Variants in KMT2C observed in about 807,000 individuals in gnomAD.
KMT2C encodes the protein lysine methyltransferase 2C, also known as histone-lysine N-methyltransferase 2C.
In KMT2C, 88 loss-of-function variants were observed where a neutral mutation model predicts 507.9. That is an observed-to-expected ratio of 0.17 (90% CI 0.15 to 0.21). KMT2C has a LOEUF of 0.21. KMT2C is among the 10% of genes least tolerant of loss of function. The probability of loss-of-function intolerance (pLI) is 1.00; values close to 1 mark genes in which losing one functional copy is unlikely to be tolerated. For missense variants in KMT2C, 4,954 were observed against 5,957.8 expected (o/e 0.83, Z 5.55); for synonymous variants, 2,049 against 2,080.8 (o/e 0.98, Z 0.42).
rs1245890173 is a variant in KMT2C at position 152,201,299 on chromosome 7, C to CAG, written c.4092+1634_4092+1635insCT. 8.9e-4 allele frequency among the ~76,000 whole-genome samples: 122 copies of CAG among 137,616 alleles called. 3 individuals are homozygous for CAG. The highest frequency in any genetic ancestry group is 4.1e-4 in the East Asian group (2 of 4,912). 90.3% of individuals were successfully genotyped at this position (137,616 alleles called of 152,430 possible). Reference sequence around the variant, plus strand: ...TGTCACACATACAGACACAGACACACACACACACACACACACACACACACA... The same window carrying CAG: ...TGTCACACATACAGACACAGACACACAGACACACACACACACACACACACACA... On this transcript the variant is annotated intron_variant, in intron 26 of 58. Coordinates refer to ENST00000262189, the MANE Select transcript of KMT2C (RefSeq NM_170606.3).
rs766518165 is a variant in KMT2C, at chr7:152,215,688, T to TATACAC, written c.3712+4834_3712+4835insGTGTAT. Among the ~76,000 whole-genome samples the TATACAC allele has an allele frequency of 5.2e-5, 7 of 134,496 alleles. No individual in the cohort carries two copies. The East Asian group carries it at 7.3e-4, about 14-fold the overall frequency. 88.2% of individuals were successfully genotyped at this position (134,496 alleles called of 152,430 possible). ...ACAAAAGGAACAAAATATATATATA[T>TATACAC]ACACACACACATACACACACAAAAT... On this transcript the variant is annotated intron_variant, in intron 23 of 58. Coordinates refer to ENST00000262189, the MANE Select transcript of KMT2C (RefSeq NM_170606.3).
At chr7:152,151,057 TA>T in intron 50 of KMT2C, 50 bp from the exon 51 acceptor site, 1 of 1,105,016 alleles carries the variant, frequency 9.0e-7, no homozygotes, top group Non-Finnish European at 1.4e-6. Context: ...CAAAATTTAA[TA>T]AAAACAGGAT....
At chr7:152,222,768 T>C in intron 20 of KMT2C, 86 bp from the exon 21 acceptor site, 1 of 754,416 alleles carries the variant, frequency 1.3e-6, no homozygotes, top group Non-Finnish European at 2.3e-6. Context: ...CACTGAGTCT[T>C]CAAACTTAAA....
At chr7:152,202,573 A>G (rs57920991) in intron 26 of KMT2C, among the ~76,000 whole-genome samples, 1,825 of 152,318 alleles carry the variant, frequency 0.012, 37 homozygotes, top group African/African-American at 0.042. Flanking sequence ...GAATATAATT[A>G]ATGTAACTTG....
chr7:152,163,725 G>A lies in KMT2C; in HGVS notation c.9852C>T (p.Val3284=). 1 of 1,614,210 alleles carries A rather than the reference G, an allele frequency of 6.2e-7. No individual in the cohort carries two copies. Among genetic ancestry groups the A allele is most frequent in the Non-Finnish European group, 8.5e-7 (1 of 1,180,044 alleles). Residue 3284 remains valine, a synonymous_variant, in exon 43 of 59, where the codon GTC becomes GTT. Transcript: ENST00000262189. ...AMAPPTMMPS[V]QPQPPLIPGA... is the part of the protein sequence containing the mutation. ...CTGGAATTAGGGGTGGCTGGGGCTG[G>A]ACACTGGGCATCATGGTAGGTGGGG...
intron 21 of KMT2C, among the ~76,000 whole-genome samples, chr7:152,222,348 T>C (rs534432648): frequency 6.6e-6 from 1 of 152,228 alleles, no homozygotes; most frequent in African/African-American, 2.4e-5. Context: ...AAAATTATAG[T>C]TTACATCTAA....
rs1433654285 is a variant in KMT2C, at chr7:152,334,408, T to C, written c.251-3669A>G. 3.3e-5 allele frequency among the ~76,000 whole-genome samples: 5 copies of C among 152,148 alleles called. No homozygotes were observed. In the South Asian group the frequency reaches 8.3e-4, roughly 25 times the overall value. On this transcript the variant is annotated intron_variant, in intron 2 of 58. Coordinates refer to ENST00000262189, the MANE Select transcript of KMT2C (RefSeq NM_170606.3). Reference sequence around the variant, plus strand: ...CGGAGGTTGCGGTGAGCCGAGATCATGCCATTGCACTCAAGCCTGGGCAAC... The same window carrying C: ...CGGAGGTTGCGGTGAGCCGAGATCACGCCATTGCACTCAAGCCTGGGCAAC...
rs1187363250 is a variant in KMT2C at position 152,238,837 on chromosome 7, G to C, written c.2533-11C>G. The C allele has an allele frequency of 1.3e-6, 2 of 1,585,286 alleles. No homozygotes were observed. The highest frequency in any genetic ancestry group is 2.7e-5 in the African/African-American group (2 of 73,232). On this transcript the variant is annotated splice_polypyrimidine_tract_variant and intron_variant, in intron 14 of 58. Coordinates refer to ENST00000262189, the MANE Select transcript of KMT2C (RefSeq NM_170606.3). The stretch of plus-strand genomic sequence containing the variant: ...GGTACTCCAAGCCCCCTAGGATATG[G>C]CAGTTGAGAAAATAGATGTGTAAAA...
At chr7:152,336,108 G>C (rs13242929) in intron 2 of KMT2C, among the ~76,000 whole-genome samples, 2 of 151,810 alleles carry the variant, frequency 1.3e-5, no homozygotes, top group Non-Finnish European at 2.9e-5. Flanking sequence ...TTTTACTTTT[G>C]GTTTAGATTT....
chr7:152,314,929 C>T (rs1045857903), intron 4 of KMT2C, among the ~76,000 whole-genome samples: 4 of 152,006 alleles, frequency 2.6e-5, no homozygotes, highest in Non-Finnish European at 4.4e-5. Flanking sequence ...TTAATATAAA[C>T]TTTTTAAAAA....
intron 1 of KMT2C, among the ~76,000 whole-genome samples, chr7:152,376,962 A>C (rs1222738924): frequency 6.6e-6 from 1 of 152,174 alleles, no homozygotes; most frequent in Admixed American, 6.5e-5. Flanking sequence ...AGGTAGGAGA[A>C]TCGCTTGAGC....
At chr7:152,316,418 G>A in intron 3 of KMT2C, among the ~76,000 whole-genome samples, 1 of 151,932 alleles carries the variant, frequency 6.6e-6, no homozygotes, top group African/African-American at 2.4e-5. Flanking sequence ...TAAAAAAGGA[G>A]AAAACATTAA....
At chr7:152,239,896 A>G (rs2095352826) in intron 14 of KMT2C, among the ~76,000 whole-genome samples, 2 of 152,250 alleles carry the variant, frequency 1.3e-5, no homozygotes, top group Non-Finnish European at 2.9e-5. Flanking sequence ...ACATAAAAAT[A>G]CCACCAGGAA....
rs766757560 is a variant in KMT2C, at chr7:152,156,238, C to A, written c.11779G>T (p.Ala3927Ser). The change falls in exon 45 of 59, where the codon GCT (alanine) becomes TCT (serine). Residue 3927 changes from alanine (A) to serine (S), a missense_variant. Ala to Ser is a moderately conservative substitution (Grantham distance 99). Coordinates refer to ENST00000262189, the MANE Select transcript of KMT2C (RefSeq NM_170606.3). ...CTCACTAACACTCCGGCTTTTCCAG[C>A]AAGTTCTTCAGTTGTTGCAAAACCA... Reference protein sequence around the residue: ...ANGFATTEELAGKAGVLVSHE... With the variant: ...ANGFATTEELSGKAGVLVSHE... The A allele has an allele frequency of 2.5e-6, 4 of 1,614,132 alleles. No homozygotes were observed. Among genetic ancestry groups the A allele is most frequent in the Non-Finnish European group, 2.5e-6 (3 of 1,180,026 alleles).
chr7:152,255,120 T>TATATATATATATATATATATATATAC (rs1368173795), intron 9 of KMT2C, among the ~76,000 whole-genome samples: 1 of 103,024 alleles, frequency 9.7e-6, no homozygotes, highest in Admixed American at 9.5e-5. Flanking sequence ...TATATATATA[T>TATATATATATATATATATATATATAC]ATATATATAT....
intron 23 of KMT2C, among the ~76,000 whole-genome samples, chr7:152,214,555 C>T (rs1229562476): frequency 6.6e-6 from 1 of 152,094 alleles, no homozygotes; most frequent in Non-Finnish European, 1.5e-5. Context: ...TTTTTTCCCC[C>T]TCTTAACCAC....
rs185916866 is a variant in KMT2C, at chr7:152,268,746, T to C, written c.1013-3537A>G. On this transcript the variant is annotated intron_variant, in intron 7 of 58. Coordinates refer to ENST00000262189, the MANE Select transcript of KMT2C (RefSeq NM_170606.3). ...AAATTGGGGGAAATAATAAACTAAT[T>C]ATCAGATAAACAATTCATTTTTCTA... is the stretch of plus-strand genomic sequence containing the variant. Among the ~76,000 whole-genome samples the C allele has an allele frequency of 2.0e-5, 3 of 152,280 alleles. No homozygotes were observed. The East Asian group carries it at 5.8e-4, about 29-fold the overall frequency.
chr7:152,148,136 G>A lies in KMT2C; in HGVS notation c.13791C>T (p.Arg4597=). 1 of 1,613,884 alleles carries A rather than the reference G, an allele frequency of 6.2e-7. No individual in the cohort carries two copies. Among genetic ancestry groups the A allele is most frequent in the South Asian group, 1.1e-5 (1 of 91,076 alleles). ...WSTRYANRRC[R]YLCSIEEKDG... ...CCTTCTCCTCAATGGAGCACAGGTA[G>A]CGGCAGCGCCTATTGGCATAGCGAG... The change falls in exon 52 of 59, where the codon CGC becomes CGT. Residue 4597 remains arginine (R), a synonymous_variant. Transcript: ENST00000262189. The surrounding 1 kb of genome is among the most constrained non-coding windows in gnomAD (Gnocchi z 7.1).
chr7:152,263,744 T>G (rs1321169720), intron 8 of KMT2C, among the ~76,000 whole-genome samples: 1 of 152,202 alleles, frequency 6.6e-6, no homozygotes, highest in Non-Finnish European at 1.5e-5. Flanking sequence ...TTGTCATAAT[T>G]ATTAAGAATT....
Sources: allele counts gnomAD v4.1 joint callset (sites outside exome capture counted in the v4.1 genomes callset), GRCh38; gene constraint gnomAD v4.1.1; non-coding constraint Gnocchi (gnomAD v3.1); transcripts MANE v1.5; gene names NCBI Gene and HGNC (gene_info 2026-07-23, HGNC 2026-07-21).